Variants in FOXN1 observed in about 807,000 individuals in gnomAD.
FOXN1 encodes forkhead box N1.
Under a neutral mutation model 49.0 loss-of-function variants are expected in FOXN1, and 15 were observed. That is an observed-to-expected ratio of 0.31 (90% CI 0.20 to 0.47). The LOEUF (loss-of-function observed/expected upper bound fraction) is 0.47, where lower values mean the gene tolerates loss of function less well. FOXN1 is among the 20% of genes least tolerant of loss of function. FOXN1 has a pLI of 1.00. For missense variants in FOXN1, 800 were observed against 842.8 expected (o/e 0.95, Z 0.63); for synonymous variants, 356 against 369.0 (o/e 0.96, Z 0.40).
intron 1 of FOXN1, among the ~76,000 whole-genome samples, chr17:28,509,083 C>T (rs1297377473): frequency 2.0e-5 from 3 of 152,022 alleles, no homozygotes; most frequent in Non-Finnish European, 1.5e-5. Flanking sequence ...AGAGGACCTC[C>T]AGGAGCTGGG....
chr17:28,538,489 A>G lies in FOXN1; in HGVS notation c.*1053A>G, dbSNP rs551005450. The G allele has an allele frequency of 1.3e-5, 2 of 152,208 alleles. No homozygotes were observed. The highest frequency in any genetic ancestry group is 4.8e-5 in the African/African-American group (2 of 41,450). The allele number at this position is 152,208 out of a possible 1,614,324, so 9.4% of individuals were successfully genotyped here. A position where few individuals can be genotyped will look rare whatever the true frequency, so the allele number is the denominator to read the frequency against. ...CACCGAAAGTCAAAAACCACTTTCG[A>G]CTTACGATGTTTCCCACTCACGATG... On this transcript the variant is annotated 3_prime_UTR_variant, in exon 9 of 9. Transcript: ENST00000579795.
intron 1 of FOXN1, among the ~76,000 whole-genome samples, chr17:28,520,939 A>G (rs1010818283): frequency 6.6e-6 from 1 of 152,150 alleles, no homozygotes; most frequent in African/African-American, 2.4e-5. Flanking sequence ...TCTTCAGCCA[A>G]TCGCCCCAGG....
intron 1 of FOXN1, among the ~76,000 whole-genome samples, chr17:28,513,333 A>G (rs1420875588): frequency 1.3e-5 from 2 of 152,192 alleles, no homozygotes; most frequent in African/African-American, 4.8e-5. Context: ...CCATCCATCT[A>G]TCCCACTAAA....
At chr17:28,515,720 G>C (rs757373311) in intron 1 of FOXN1, among the ~76,000 whole-genome samples, 3 of 151,304 alleles carry the variant, frequency 2.0e-5, no homozygotes, top group Admixed American at 6.6e-5. Flanking sequence ...CTCCTCAACA[G>C]GTATACACCC....
chr17:28,508,145 C>T (rs1400564587), intron 1 of FOXN1, among the ~76,000 whole-genome samples: 2 of 152,202 alleles, frequency 1.3e-5, no homozygotes, highest in African/African-American at 4.8e-5. Context: ...CCCGGGAATG[C>T]CAGGGAGTTC....
intron 4 of FOXN1, among the ~76,000 whole-genome samples, chr17:28,527,958 G>A (rs947868643): frequency 6.6e-6 from 1 of 152,212 alleles, no homozygotes; most frequent in East Asian, 1.9e-4. Flanking sequence ...TGGGATGGAG[G>A]AGTTTTAAAG....
rs184037357 is a variant in FOXN1, at chr17:28,523,987, G to A, written c.18G>A (p.Pro6=). 1.7e-5 allele frequency: 28 copies of A among 1,613,164 alleles called. No individual in the cohort carries two copies. The highest frequency in any genetic ancestry group is 2.2e-5 in the East Asian group (1 of 44,872). Residue 6 remains proline, a synonymous_variant, in exon 2 of 9, where the codon CCG becomes CCA. Coordinates refer to ENST00000579795, the MANE Select transcript of FOXN1 (RefSeq NM_001369369.1). MVSLP[P]PQSDVTLPGP... is the part of the protein sequence containing the mutation. ...ACTGGGTGATGGTGTCGCTACCCCC[G>A]CCGCAGTCTGACGTCACGCTGCCGG... is the stretch of plus-strand genomic sequence containing the variant.
intron 1 of FOXN1, among the ~76,000 whole-genome samples, chr17:28,510,163 G>A (rs1183239084): frequency 2.0e-5 from 3 of 152,030 alleles, no homozygotes; most frequent in African/African-American, 7.2e-5. Context: ...TCCACCCCAT[G>A]CTCACAGGAG....
chr17:28,533,486 C>CG (rs1555610615), intron 6 of FOXN1, among the ~76,000 whole-genome samples: 2 of 58,898 alleles, frequency 3.4e-5, no homozygotes, highest in African/African-American at 2.4e-4. Flanking sequence ...GGCACGAGCA[C>CG]CCCCCCCCAC....
Position 28,524,731 on chromosome 17 carries a change from G to A in FOXN1, c.352G>A (p.Gly118Ser), listed in dbSNP as rs1259935009. ...AAGCAGCCCTGGGCGATTCCTCAAG[G>A]GCAGCCACGCGCCCTTCCACCCGTA... ...AASSPGRFLK[G>S]SHAPFHPYKR... Residue 118 changes from glycine (G) to serine (S), a missense_variant, in exon 3 of 9, where the codon GGC (glycine) becomes AGC (serine). Physicochemically the swap from Gly to Ser is moderately conservative, Grantham distance 56. Coordinates refer to ENST00000579795, the MANE Select transcript of FOXN1 (RefSeq NM_001369369.1). The A allele has an allele frequency of 6.2e-7, 1 of 1,612,740 alleles. No homozygotes were observed. The highest frequency in any genetic ancestry group is 1.1e-5 in the South Asian group (1 of 90,974).
chr17:28,524,351 G>GACT, intron 2 of FOXN1, 152 bp from the exon 3 acceptor site: 1 of 436,680 alleles, frequency 2.3e-6, no homozygotes, highest in Non-Finnish European at 3.7e-6. Context: ...ATGAAATCGG[G>GACT]GCCAAGGGTA....
intron 6 of FOXN1, among the ~76,000 whole-genome samples, chr17:28,531,734 T>C (rs1162369878): frequency 6.6e-6 from 1 of 152,172 alleles, no homozygotes; most frequent in Non-Finnish European, 1.5e-5. Flanking sequence ...ACCCAGGCAG[T>C]GGGCAGTTGC....
At chr17:28,526,853 C>T (rs1251756796) in intron 3 of FOXN1, among the ~76,000 whole-genome samples, 2 of 152,172 alleles carry the variant, frequency 1.3e-5, no homozygotes, top group African/African-American at 2.4e-5. Flanking sequence ...GGAGCTGTGA[C>T]CTTTTCCTGG....
chr17:28,523,965 G>A lies in FOXN1; in HGVS notation c.-5G>A. The A allele has an allele frequency of 5.0e-6, 8 of 1,613,144 alleles. No homozygotes were observed. The highest frequency in any genetic ancestry group is 5.9e-6 in the Non-Finnish European group (7 of 1,179,928). On this transcript the variant is annotated 5_prime_UTR_variant, in exon 2 of 9. Transcript: ENST00000579795. ...GACGGCTTTCTTTGAGGCCAGGACT[G>A]GGTGATGGTGTCGCTACCCCCGCCG...
Position 28,537,277 on chromosome 17 carries a change from C to A in FOXN1, c.1788C>A (p.Asp596Glu). The change falls in exon 9 of 9, where the codon GAC becomes GAA. Residue 596 changes from aspartate (D) to glutamate (E), a missense_variant. Asp to Glu is a conservative substitution (Grantham distance 45). This residue lies in a region of FOXN1 where 344 missense variants were observed against 366.1 expected (regional missense o/e 0.94). Transcript: ENST00000579795. ...CLTETGSGAG[D>E]LAAPGSGGSG... ...CAGAGACAGGCAGTGGGGCAGGTGA[C>A]TTGGCAGCCCCGGGCAGTGGTGGCT... 1 of 1,614,058 alleles carries A rather than the reference C, an allele frequency of 6.2e-7. No individual in the cohort carries two copies. The highest frequency in any genetic ancestry group is 8.5e-7 in the Non-Finnish European group (1 of 1,179,994).
At chr17:28,510,471 C>T (rs1300084190) in intron 1 of FOXN1, among the ~76,000 whole-genome samples, 1 of 151,778 alleles carries the variant, frequency 6.6e-6, no homozygotes, top group Non-Finnish European at 1.5e-5. Context: ...TTGGAGGTCC[C>T]ACTTACACTT....
At chr17:28,521,165 A>G (rs1433739573) in intron 1 of FOXN1, among the ~76,000 whole-genome samples, 1 of 152,180 alleles carries the variant, frequency 6.6e-6, no homozygotes, top group Non-Finnish European at 1.5e-5. Context: ...AGGCACAGAG[A>G]GCTACACAGT....
intron 1 of FOXN1, among the ~76,000 whole-genome samples, chr17:28,517,971 G>GGGTACACA (rs2069561749): frequency 1.5e-5 from 1 of 65,082 alleles, no homozygotes; most frequent in Non-Finnish European, 3.2e-5. Context: ...CAGGGTACAT[G>GGGTACACA]CCTCCACTGG....
chr17:28,525,518 G>A (rs937234562), intron 3 of FOXN1, among the ~76,000 whole-genome samples: 18 of 152,152 alleles, frequency 1.2e-4, no homozygotes, highest in African/African-American at 3.6e-4. Context: ...CATAAGCGGC[G>A]TGACCCTGGA....
Sources: gnomAD v4.1 joint callset for allele counts (sites outside exome capture counted in the v4.1 genomes callset) on GRCh38, gnomAD v4.1.1 for gene constraint, gnomAD v4.1.1 regional missense constraint, MANE v1.5 for transcripts, NCBI Gene and HGNC (gene_info 2026-07-23, HGNC 2026-07-21) for gene names.